The following ARHGAP28 variants were observed in gnomAD, a reference collection of about 807,000 sequenced individuals.
ARHGAP28 encodes the protein Rho GTPase activating protein 28.
A neutral mutation model predicts 90.7 loss-of-function variants in ARHGAP28; 56 were observed. The ratio of observed to expected loss-of-function variants is 0.62; its 90% CI spans 0.50 to 0.77. The LOEUF (loss-of-function observed/expected upper bound fraction) is 0.77, where lower values mean the gene tolerates loss of function less well. Among genes scored for constraint, ARHGAP28 ranks in the 30% least tolerant of loss-of-function variants. The probability of loss-of-function intolerance (pLI) is 0.00; values close to 1 mark genes in which losing one functional copy is unlikely to be tolerated. For synonymous variants in ARHGAP28, 308 were observed against 323.3 expected, an observed-to-expected ratio of 0.95 and a Z score of 0.51; for missense variants, 869 against 900.9, an observed-to-expected ratio of 0.96 and a Z score of 0.45.
At chr18:6,862,014 A>C (rs1020764212) in intron 5 of ARHGAP28, among the ~76,000 whole-genome samples, 1 of 152,166 alleles carries the variant, frequency 6.6e-6, no homozygotes, top group Non-Finnish European at 1.5e-5. Flanking sequence ...AAGTTTCAGC[A>C]GTATTGGGTC....
chr18:6,904,341 C>T (rs1600307714), intron 16 of ARHGAP28, among the ~76,000 whole-genome samples: 1 of 152,122 alleles, frequency 6.6e-6, no homozygotes, highest in African/African-American at 2.4e-5. Context: ...TTGCAGTGAG[C>T]CGAAACCACA....
At chr18:6,732,871 A>G (rs1280487528) in intron 1 of ARHGAP28, among the ~76,000 whole-genome samples, 3 of 152,122 alleles carry the variant, frequency 2.0e-5, no homozygotes, top group Non-Finnish European at 4.4e-5. Flanking sequence ...TACGGTTATC[A>G]CTTTTAATCA....
At chr18:6,753,925 A>T (rs552775061) in intron 1 of ARHGAP28, among the ~76,000 whole-genome samples, 11 of 152,306 alleles carry the variant, frequency 7.2e-5, no homozygotes, top group Non-Finnish European at 1.0e-4. Flanking sequence ...TGTGACTAGG[A>T]TTTGCTCAAA....
At chr18:6,888,333 A>G (rs1178676586) in intron 12 of ARHGAP28, among the ~76,000 whole-genome samples, 1 of 150,904 alleles carries the variant, frequency 6.6e-6, no homozygotes. Flanking sequence ...CTTTGAAATG[A>G]AATTGAGATA....
chr18:6,864,779 G>T (rs964307612), intron 5 of ARHGAP28, among the ~76,000 whole-genome samples: 14 of 152,072 alleles, frequency 9.2e-5, no homozygotes, highest in East Asian at 5.8e-4. Context: ...TGAATGACTG[G>T]GTTCAAGCTG....
In ARHGAP28 at chr18:6,729,850, T is replaced by C. The variant is rs1600132498; in HGVS notation, c.29T>C (p.Val10Ala). The C allele has an allele frequency of 7.0e-7, 1 of 1,433,112 alleles. No individual in the cohort carries two copies. 88.8% of individuals were successfully genotyped at this position (1,433,112 alleles called of 1,614,324 possible). A position where few individuals can be genotyped will look rare whatever the true frequency, so the allele number is the denominator to read the frequency against. The change falls in exon 1 of 18, where the codon GTG becomes GCG. Residue 10 changes from valine (V) to alanine (A), a missense_variant. Physicochemically the swap from Val to Ala is moderately conservative, Grantham distance 64. Transcript: ENST00000383472. Reference protein sequence around the residue: MEVEDSGGVVLTAYHSYARA... With the variant: MEVEDSGGVALTAYHSYARA... Reference sequence around the variant, plus strand: ...GAGGTGGAGGACTCGGGCGGCGTGGTGCTGACCGCCTACCACTCGTACGCG... The same window carrying C: ...GAGGTGGAGGACTCGGGCGGCGTGGCGCTGACCGCCTACCACTCGTACGCG...
intron 1 of ARHGAP28, among the ~76,000 whole-genome samples, chr18:6,786,024 C>T (rs922196487): frequency 6.6e-6 from 1 of 152,148 alleles, no homozygotes; most frequent in African/African-American, 2.4e-5. Context: ...TTGGAAAACA[C>T]TCCCTGAGGA....
chr18:6,755,866 G>T (rs773490124), intron 1 of ARHGAP28, among the ~76,000 whole-genome samples: 3 of 152,098 alleles, frequency 2.0e-5, no homozygotes, highest in African/African-American at 7.2e-5. Flanking sequence ...CAATATATAG[G>T]TCTCAAATAT....
At chr18:6,839,398 A>T (rs377041743) in intron 3 of ARHGAP28, among the ~76,000 whole-genome samples, 1 of 147,764 alleles carries the variant, frequency 6.8e-6, no homozygotes, top group Non-Finnish European at 1.5e-5. Flanking sequence ...GGTTCACGCC[A>T]TTCTCCCCCC....
intron 1 of ARHGAP28, among the ~76,000 whole-genome samples, chr18:6,785,009 A>AT (rs561185967): frequency 3.6e-4 from 55 of 150,906 alleles, no homozygotes; most frequent in Non-Finnish European, 5.6e-4. Context: ...TGAGGAGCTG[A>AT]TTTTTTTTTT....
chr18:6,733,333 G>A (rs2055898990), intron 1 of ARHGAP28, among the ~76,000 whole-genome samples: 1 of 151,996 alleles, frequency 6.6e-6, no homozygotes, highest in African/African-American at 2.4e-5. Flanking sequence ...CTTTAAATTT[G>A]CATGGGGCAG....
intron 16 of ARHGAP28, among the ~76,000 whole-genome samples, chr18:6,900,256 T>C (rs1374107955): frequency 2.7e-5 from 4 of 150,872 alleles, no homozygotes; most frequent in Non-Finnish European, 5.9e-5. Flanking sequence ...ATCCAAAATG[T>C]TCACAATACA....
At chr18:6,894,706 G>A (rs1001424228) in intron 14 of ARHGAP28, 129 bp from the exon 15 acceptor site, 7 of 694,418 alleles carry the variant, frequency 1.0e-5, no homozygotes, top group African/African-American at 9.0e-5. Flanking sequence ...GGATTAAAGT[G>A]CATATACATT....
chr18:6,841,177 T>TC lies in ARHGAP28; in HGVS notation c.543+3764dup, dbSNP rs1567966517. On this transcript the variant is annotated intron_variant, in intron 3 of 17. Coordinates refer to ENST00000383472, the MANE Select transcript of ARHGAP28 (RefSeq NM_001366230.1). ...CCTCTTTCTCTCTCTCCTCTCTCTC[T>TC]CTCCTCTCTCTCTCTCTCTCTCTCT... Among the ~76,000 whole-genome samples, 138 of 73,170 alleles carry TC rather than the reference T, an allele frequency of 1.9e-3. 3 individuals are homozygous for TC. The highest frequency in any genetic ancestry group is 6.7e-3 in the African/African-American group (99 of 14,800). The allele number at this position is 73,170 out of a possible 152,430, so 48.0% of individuals were successfully genotyped here. A position where few individuals can be genotyped will look rare whatever the true frequency, so the allele number is the denominator to read the frequency against.
intron 1 of ARHGAP28, among the ~76,000 whole-genome samples, chr18:6,803,931 A>T (rs2056500819): frequency 6.6e-6 from 1 of 151,964 alleles, no homozygotes; most frequent in South Asian, 2.1e-4. Flanking sequence ...GGCGCCTCCC[A>T]CCACGCCCAG....
At chr18:6,787,080 C>T (rs1433777210) in intron 1 of ARHGAP28, among the ~76,000 whole-genome samples, 4 of 151,858 alleles carry the variant, frequency 2.6e-5, no homozygotes, top group African/African-American at 4.8e-5. Context: ...ATTAGCCGGG[C>T]GTGGTGGTGG....
At chr18:6,797,826 TA>T (rs1207462823) in intron 1 of ARHGAP28, among the ~76,000 whole-genome samples, 1 of 152,146 alleles carries the variant, frequency 6.6e-6, no homozygotes, top group Non-Finnish European at 1.5e-5. Flanking sequence ...CACACCCGGC[TA>T]ATTTTTGTAT....
intron 1 of ARHGAP28, among the ~76,000 whole-genome samples, chr18:6,780,463 C>T (rs112759756): frequency 0.038 from 5,794 of 152,160 alleles, 167 homozygotes; most frequent in Middle Eastern, 0.075. Flanking sequence ...GCAAACACTA[C>T]GCCATTTTAT....
At chr18:6,840,599 G>T (rs143349309) in intron 3 of ARHGAP28, among the ~76,000 whole-genome samples, 34 of 152,284 alleles carry the variant, frequency 2.2e-4, no homozygotes, top group African/African-American at 8.2e-4. Context: ...CCAAAAGAGG[G>T]CCTAACAGGG....
Sources: allele counts gnomAD v4.1 joint callset (sites outside exome capture counted in the v4.1 genomes callset), GRCh38; gene constraint gnomAD v4.1.1; transcripts MANE v1.5; gene names NCBI Gene and HGNC (gene_info 2026-07-23, HGNC 2026-07-21).